Variants in ADAMTS3 observed in about 807,000 individuals in gnomAD.
The protein encoded by ADAMTS3 is ADAM metallopeptidase with thrombospondin type 1 motif 3.
In ADAMTS3, 73 loss-of-function variants were observed where a neutral mutation model predicts 129.0. The ratio of observed to expected loss-of-function variants is 0.57; its 90% CI spans 0.47 to 0.69. The LOEUF is 0.69. Ranked by LOEUF, ADAMTS3 falls within the 30% of genes least tolerant of loss-of-function variation. The pLI, the probability that ADAMTS3 is intolerant of heterozygous loss-of-function variation, is 0.00. For synonymous variants in ADAMTS3, 477 were observed against 510.8 expected (o/e 0.93, Z 0.89); for missense variants, 1,457 against 1,514.5 (o/e 0.96, Z 0.63).
chr4:72,517,768 T>C (rs1560546863), intron 3 of ADAMTS3, among the ~76,000 whole-genome samples: 1 of 151,854 alleles, frequency 6.6e-6, no homozygotes, highest in Non-Finnish European at 1.5e-5. Flanking sequence ...TCAATTTTGT[T>C]GATCCTTTCA....
chr4:72,457,987 C>G (rs1418346879), intron 3 of ADAMTS3, among the ~76,000 whole-genome samples: 1 of 149,128 alleles, frequency 6.7e-6, no homozygotes, highest in Non-Finnish European at 1.5e-5. Context: ...GACAGACAGC[C>G]CCTGGCACTG....
At chr4:72,536,420 T>C (rs1721187031) in intron 3 of ADAMTS3, among the ~76,000 whole-genome samples, 1 of 152,186 alleles carries the variant, frequency 6.6e-6, no homozygotes, top group Admixed American at 6.5e-5. Context: ...CCGAATTGGG[T>C]TACTGCAGCG....
intron 3 of ADAMTS3, among the ~76,000 whole-genome samples, chr4:72,497,237 G>A (rs1236846877): frequency 6.6e-6 from 1 of 151,994 alleles, no homozygotes; most frequent in Non-Finnish European, 1.5e-5. Flanking sequence ...TAAGGTTACA[G>A]AAATCTCTAT....
intron 3 of ADAMTS3, among the ~76,000 whole-genome samples, chr4:72,464,026 C>A (rs778753278): frequency 6.6e-6 from 1 of 151,942 alleles, no homozygotes; most frequent in Non-Finnish European, 1.5e-5. Flanking sequence ...TCCATATAAA[C>A]GTGCTTTTAT....
chr4:72,396,461 A>AG (rs1721727547), intron 4 of ADAMTS3, among the ~76,000 whole-genome samples: 1 of 152,190 alleles, frequency 6.6e-6, no homozygotes. Flanking sequence ...AAACTTTCAG[A>AG]GAAAAAAAAG....
intron 3 of ADAMTS3, among the ~76,000 whole-genome samples, chr4:72,446,664 ATTAAT>A (rs1159765981): frequency 6.6e-6 from 1 of 151,704 alleles, no homozygotes; most frequent in Admixed American, 6.6e-5. Flanking sequence ...AAGATCCCTG[ATTAAT>A]TTAATATGAG....
At chr4:72,283,820 C>T (rs377658362) in intron 21 of ADAMTS3, 116 bp from the exon 22 acceptor site, 37 of 799,722 alleles carry the variant, frequency 4.6e-5, no homozygotes, top group East Asian at 3.3e-4. Context: ...CTGACACTAA[C>T]GGGAGTGATC....
intron 3 of ADAMTS3, among the ~76,000 whole-genome samples, chr4:72,475,006 G>A (rs1456360771): frequency 3.3e-5 from 5 of 149,302 alleles, no homozygotes; most frequent in Admixed American, 2.7e-4. Context: ...CAGCCTGGGC[G>A]ACAGAGCGAG....
At chr4:72,399,593 TG>T (rs1405270205) in intron 4 of ADAMTS3, among the ~76,000 whole-genome samples, 1 of 151,932 alleles carries the variant, frequency 6.6e-6, no homozygotes, top group African/African-American at 2.4e-5. Flanking sequence ...AAGGAAAAAT[TG>T]GGGTAATTCC....
In ADAMTS3 at chr4:72,316,429, T is replaced by C. The variant is rs146285746; in HGVS notation, c.1486-458A>G. The stretch of plus-strand genomic sequence containing the variant: ...GGCTGGGCACAGTGGCTCATGCCTG[T>C]AATCCCAGCACTTTGGGAGGCTGAG... On this transcript the variant is annotated intron_variant, in intron 10 of 21. Transcript: ENST00000286657. Among the ~76,000 whole-genome samples the C allele has an allele frequency of 3.1e-3, 478 of 152,286 alleles. 4 individuals carry two copies. Among genetic ancestry groups the C allele is most frequent in the Admixed American group, 0.012 (190 of 15,298 alleles).
At chr4:72,479,011 G>A (rs1157087464) in intron 3 of ADAMTS3, among the ~76,000 whole-genome samples, 1 of 151,312 alleles carries the variant, frequency 6.6e-6, no homozygotes, top group Non-Finnish European at 1.5e-5. Context: ...TCCTCAAGGA[G>A]AACTACAAAC....
At chr4:72,544,336 G>T (rs911562859) in intron 3 of ADAMTS3, among the ~76,000 whole-genome samples, 2 of 151,862 alleles carry the variant, frequency 1.3e-5, no homozygotes, top group Non-Finnish European at 2.9e-5. Flanking sequence ...CTTTTAAATT[G>T]TATTTATGAC....
intron 3 of ADAMTS3, among the ~76,000 whole-genome samples, chr4:72,543,189 C>T (rs1206769105): frequency 6.6e-6 from 1 of 152,058 alleles, no homozygotes; most frequent in East Asian, 1.9e-4. Context: ...TAGTTTAAGG[C>T]ACTAAGAGGA....
intron 17 of ADAMTS3, among the ~76,000 whole-genome samples, chr4:72,298,900 T>C (rs1296059060): frequency 6.6e-6 from 1 of 151,794 alleles, no homozygotes; most frequent in Non-Finnish European, 1.5e-5. Flanking sequence ...TCAACGGAAA[T>C]TGTTGTGTTG....
At chr4:72,505,987 C>T (rs1469511022) in intron 3 of ADAMTS3, among the ~76,000 whole-genome samples, 5 of 152,198 alleles carry the variant, frequency 3.3e-5, no homozygotes, top group African/African-American at 1.2e-4. Flanking sequence ...GCCTGCAGAA[C>T]CAGGCAAATG....
intron 3 of ADAMTS3, among the ~76,000 whole-genome samples, chr4:72,507,847 T>C (rs531032100): frequency 6.6e-6 from 1 of 152,326 alleles, no homozygotes; most frequent in Non-Finnish European, 1.5e-5. Context: ...GTTTGAAATC[T>C]CCTGTTATGA....
intron 3 of ADAMTS3, among the ~76,000 whole-genome samples, chr4:72,498,989 A>G (rs1719941067): frequency 2.6e-5 from 4 of 152,130 alleles, no homozygotes; most frequent in Admixed American, 2.6e-4. Flanking sequence ...GACCACTTGC[A>G]TCATAATCAT....
intron 3 of ADAMTS3, among the ~76,000 whole-genome samples, chr4:72,455,677 C>A (rs920814178): frequency 1.4e-5 from 2 of 146,242 alleles, no homozygotes; most frequent in Non-Finnish European, 3.0e-5. Context: ...AAAAAGATTA[C>A]CTTTCTTCCG....
intron 4 of ADAMTS3, among the ~76,000 whole-genome samples, chr4:72,354,427 T>C (rs1720523420): frequency 6.6e-6 from 1 of 151,994 alleles, no homozygotes; most frequent in Non-Finnish European, 1.5e-5. Context: ...ATTTTCTTTA[T>C]TGATTCAGTT....
Sources: allele counts gnomAD v4.1 joint callset (sites outside exome capture counted in the v4.1 genomes callset), GRCh38; gene constraint gnomAD v4.1.1; transcripts MANE v1.5; gene names NCBI Gene and HGNC (gene_info 2026-07-23, HGNC 2026-07-21).